Variants in MDGA2 observed in about 807,000 individuals in gnomAD.
The protein encoded by MDGA2 is MAM domain-containing glycosylphosphatidylinositol anchor protein 2.
A neutral mutation model predicts 117.8 loss-of-function variants in MDGA2; 40 were observed. The ratio of observed to expected loss-of-function variants is 0.34; its 90% CI spans 0.26 to 0.44. The LOEUF (loss-of-function observed/expected upper bound fraction) is 0.44, where lower values mean the gene tolerates loss of function less well. Among genes scored for constraint, MDGA2 ranks in the 20% least tolerant of loss-of-function variants. The pLI is 1.00. For missense variants in MDGA2, 1,123 were observed against 1,250.6 expected (o/e 0.90, Z 1.54); for synonymous variants, 452 against 439.0 (o/e 1.03, Z -0.37).
intron 5 of MDGA2, among the ~76,000 whole-genome samples, chr14:47,114,856 C>T (rs533716236): frequency 1.3e-5 from 2 of 151,286 alleles, no homozygotes; most frequent in East Asian, 3.9e-4. Context: ...GGAACATAGG[C>T]ATGGGCAAAG....
intron 8 of MDGA2, among the ~76,000 whole-genome samples, chr14:46,975,846 A>G (rs1049676662): frequency 9.9e-5 from 15 of 152,234 alleles, no homozygotes; most frequent in Non-Finnish European, 2.1e-4. Context: ...TGGTTCAGAC[A>G]TAAGGCTTCT....
intron 1 of MDGA2, among the ~76,000 whole-genome samples, chr14:47,450,145 T>A (rs918575755): frequency 6.6e-6 from 1 of 152,134 alleles, no homozygotes; most frequent in African/African-American, 2.4e-5. Context: ...AAGGTTTTTT[T>A]TAGTACAGAT....
At chr14:47,511,906 C>G (rs1435364748) in intron 1 of MDGA2, among the ~76,000 whole-genome samples, 1 of 152,140 alleles carries the variant, frequency 6.6e-6, no homozygotes, top group African/African-American at 2.4e-5. Flanking sequence ...AGAGTCAGGT[C>G]TACCGCTCAA....
At chr14:47,356,507 T>C (rs949564680) in intron 1 of MDGA2, among the ~76,000 whole-genome samples, 1 of 152,202 alleles carries the variant, frequency 6.6e-6, no homozygotes, top group Non-Finnish European at 1.5e-5. Flanking sequence ...ATGTTGAATA[T>C]GCCATGCGTA....
intron 16 of MDGA2, among the ~76,000 whole-genome samples, chr14:46,843,341 G>T (rs546277428): frequency 3.3e-5 from 5 of 151,960 alleles, no homozygotes; most frequent in Non-Finnish European, 7.4e-5. Context: ...TATAATATTT[G>T]TGCTTACATT....
At chr14:47,461,269 ATGTGTGTGTG>A (rs55889646) in intron 1 of MDGA2, among the ~76,000 whole-genome samples, 61 of 142,944 alleles carry the variant, frequency 4.3e-4, no homozygotes, top group African/African-American at 1.6e-3. Flanking sequence ...AAAAAAATGT[ATGTGTGTGTG>A]TGTGTGTGTG....
intron 2 of MDGA2, among the ~76,000 whole-genome samples, chr14:47,227,340 T>G (rs899427988): frequency 6.6e-6 from 1 of 152,144 alleles, no homozygotes; most frequent in Non-Finnish European, 1.5e-5. Flanking sequence ...TGCCTCTAGA[T>G]GGGATAGATT....
chr14:47,650,874 A>G (rs2138268767), intron 1 of MDGA2, among the ~76,000 whole-genome samples: 1 of 152,202 alleles, frequency 6.6e-6, no homozygotes, highest in African/African-American at 2.4e-5. Context: ...TCTTTTTGCA[A>G]ACTTTTATTC....
chr14:47,175,807 A>G (rs1884416730), intron 3 of MDGA2, among the ~76,000 whole-genome samples: 1 of 147,262 alleles, frequency 6.8e-6, no homozygotes, highest in South Asian at 2.1e-4. Context: ...CAGGGCAATT[A>G]AGCAGGAGAA....
intron 6 of MDGA2, among the ~76,000 whole-genome samples, chr14:47,090,928 C>G (rs775656991): frequency 6.6e-6 from 1 of 152,136 alleles, no homozygotes; most frequent in Admixed American, 6.6e-5. Context: ...CCTAGCCACC[C>G]TCTAGCTGCA....
intron 1 of MDGA2, among the ~76,000 whole-genome samples, chr14:47,595,238 G>GAA (rs113153456): frequency 4.4e-4 from 64 of 144,088 alleles, no homozygotes; most frequent in African/African-American, 7.4e-4. Context: ...TAGCATTAGA[G>GAA]AAAAAAAAAA....
At chr14:47,602,466 TAA>T (rs11375173) in intron 1 of MDGA2, among the ~76,000 whole-genome samples, 6 of 149,278 alleles carry the variant, frequency 4.0e-5, no homozygotes, top group African/African-American at 1.2e-4. Flanking sequence ...GCTCTTTATT[TAA>T]AAAAAAAAAT....
rs887237589 is a variant in MDGA2 at position 46,890,885 on chromosome 14, T to C, written c.2239-8664A>G. On this transcript the variant is annotated intron_variant, in intron 10 of 16. Coordinates refer to ENST00000399232, the MANE Select transcript of MDGA2 (RefSeq NM_001113498.3). ...GTTGAAAAAACATTGAATCTAAAACTTCCTACATAAATTAAGGGTGTTATG... is the reference window on the plus strand; with the variant it reads ...GTTGAAAAAACATTGAATCTAAAACCTCCTACATAAATTAAGGGTGTTATG... Among the ~76,000 whole-genome samples the C allele has an allele frequency of 2.0e-5, 3 of 152,112 alleles. No homozygotes were observed. In the South Asian group the frequency reaches 6.2e-4, roughly 31 times the overall value.
intron 1 of MDGA2, among the ~76,000 whole-genome samples, chr14:47,537,348 C>G (rs895960011): frequency 6.7e-6 from 1 of 149,562 alleles, no homozygotes; most frequent in Non-Finnish European, 1.5e-5. Context: ...GGAGATATAC[C>G]TAATGTAAAT....
intron 1 of MDGA2, among the ~76,000 whole-genome samples, chr14:47,621,868 C>T (rs1340697319): frequency 1.3e-5 from 2 of 152,116 alleles, no homozygotes; most frequent in African/African-American, 4.8e-5. Flanking sequence ...TTTTATTGTT[C>T]TAAACAACTG....
chr14:46,960,160 G>C (rs1885737977), intron 8 of MDGA2, among the ~76,000 whole-genome samples: 1 of 152,082 alleles, frequency 6.6e-6, no homozygotes, highest in South Asian at 2.1e-4. Flanking sequence ...GGCAGAGGTT[G>C]TGGTGAGCCG....
rs1485867885 is a variant in MDGA2, at chr14:47,332,996, G to C, written c.281-31446C>G. ...ACATGATTTGATTATTTTTAAAGCT[G>C]AATAGTATTCCATTGTATCTCTATG... On this transcript the variant is annotated intron_variant, in intron 1 of 16. Coordinates refer to ENST00000399232, the MANE Select transcript of MDGA2 (RefSeq NM_001113498.3). 7.2e-5 allele frequency among the ~76,000 whole-genome samples: 11 copies of C among 152,000 alleles called. No individual in the cohort carries two copies. In the East Asian group the frequency reaches 2.1e-3, roughly 29 times the overall value.
chr14:46,995,552 T>C (rs1261782630), intron 8 of MDGA2, among the ~76,000 whole-genome samples: 2 of 152,160 alleles, frequency 1.3e-5, no homozygotes, highest in African/African-American at 2.4e-5. Flanking sequence ...TTCATAACCA[T>C]TGCTTTTTTT....
rs569786877 is a variant in MDGA2, at chr14:47,026,607, T to G, written c.1819+8404A>C. On this transcript the variant is annotated intron_variant, in intron 8 of 16. Transcript: ENST00000399232. Reference sequence around the variant, plus strand: ...TGTGATTTATTATAATCATTTATTATTATTACCTTTGTGTTACAGGGGAGA... The same window carrying G: ...TGTGATTTATTATAATCATTTATTAGTATTACCTTTGTGTTACAGGGGAGA... 1.5e-3 allele frequency among the ~76,000 whole-genome samples: 229 copies of G among 152,216 alleles called. 1 individual carries two copies. The Middle Eastern group carries it at 0.017, about 11-fold the overall frequency.
Sources: gnomAD v4.1 joint callset for allele counts (sites outside exome capture counted in the v4.1 genomes callset) on GRCh38, gnomAD v4.1.1 for gene constraint, MANE v1.5 for transcripts, NCBI Gene and HGNC (gene_info 2026-07-23, HGNC 2026-07-21) for gene names.